RAB7A: variants seen among roughly 807,000 people sequenced by gnomAD.
The protein encoded by RAB7A is RAB7A, member RAS oncogene family.
In RAB7A, 2 loss-of-function variants were observed where a neutral mutation model predicts 24.5. The ratio of observed to expected loss-of-function variants is 0.08; its 90% CI spans 0.03 to 0.26. The LOEUF (loss-of-function observed/expected upper bound fraction) is 0.26. RAB7A is among the 10% of genes least tolerant of loss of function. The pLI is 1.00. For synonymous variants in RAB7A, 100 were observed against 95.9 expected (o/e 1.04, Z -0.25); for missense variants, 118 against 255.7 (o/e 0.46, Z 3.67).
At chr3:128,735,109 G>T (rs913707191) in intron 1 of RAB7A, among the ~76,000 whole-genome samples, 2 of 152,138 alleles carry the variant, frequency 1.3e-5, no homozygotes, top group African/African-American at 4.8e-5. Context: ...AACACTGTTG[G>T]CCCCTGTGGA....
chr3:128,772,845 G>GC (rs1241161429), intron 1 of RAB7A, among the ~76,000 whole-genome samples: 3 of 152,236 alleles, frequency 2.0e-5, no homozygotes, highest in African/African-American at 7.2e-5. Flanking sequence ...GCCAGCCTCG[G>GC]CCCCCCGAGG....
chr3:128,729,434 G>T (rs2070411798), intron 1 of RAB7A, among the ~76,000 whole-genome samples: 1 of 152,058 alleles, frequency 6.6e-6, no homozygotes, highest in Admixed American at 6.6e-5. Flanking sequence ...GCCGGGCGTG[G>T]TGGCGGGCGC....
chr3:128,738,228 T>G (rs2070512334), intron 1 of RAB7A, among the ~76,000 whole-genome samples: 1 of 152,006 alleles, frequency 6.6e-6, no homozygotes, highest in East Asian at 1.9e-4. Flanking sequence ...GACAGGGTCT[T>G]GGCCATATTG....
At chr3:128,743,254 C>T (rs1011589932) in intron 1 of RAB7A, among the ~76,000 whole-genome samples, 20 of 152,216 alleles carry the variant, frequency 1.3e-4, no homozygotes, top group African/African-American at 3.6e-4. Context: ...CCGGAACTCC[C>T]GCTGGTCCGC....
intron 1 of RAB7A, among the ~76,000 whole-genome samples, chr3:128,773,801 A>G (rs1933013653): frequency 6.6e-6 from 1 of 152,178 alleles, no homozygotes; most frequent in African/African-American, 2.4e-5. Context: ...GTGCTCTCTG[A>G]AACATGTGCT....
At chr3:128,809,936 C>CTTTTTTTATTTTTTTTTTTT (rs1933887345) in intron 5 of RAB7A, among the ~76,000 whole-genome samples, 1 of 52,216 alleles carries the variant, frequency 1.9e-5, no homozygotes, top group Non-Finnish European at 3.4e-5. Context: ...TTGCCACAGT[C>CTTTTTTTATTTTTTTTTTTT]TTTTTTTTTT....
At chr3:128,808,380 TAAAA>T (rs747963558) in intron 5 of RAB7A, among the ~76,000 whole-genome samples, 56 of 151,768 alleles carry the variant, frequency 3.7e-4, no homozygotes, top group Non-Finnish European at 7.5e-4. Context: ...AAAATTAAAA[TAAAA>T]AAAATTATAT....
intron 1 of RAB7A, among the ~76,000 whole-genome samples, chr3:128,779,365 G>A (rs1435456152): frequency 1.3e-5 from 2 of 151,232 alleles, no homozygotes; most frequent in Non-Finnish European, 2.9e-5. Context: ...CCGAGATCAC[G>A]CCACTGCACT....
At chr3:128,760,879 C>T (rs1036527639) in intron 1 of RAB7A, among the ~76,000 whole-genome samples, 1 of 152,164 alleles carries the variant, frequency 6.6e-6, no homozygotes, top group African/African-American at 2.4e-5. Flanking sequence ...AGGTATAGAC[C>T]TATATAAAGT....
chr3:128,748,103 C>T (rs146818642), intron 1 of RAB7A, among the ~76,000 whole-genome samples: 11 of 152,314 alleles, frequency 7.2e-5, no homozygotes, highest in Non-Finnish European at 1.3e-4. Flanking sequence ...TGACAAACAT[C>T]CTAGAGGCCC....
intron 1 of RAB7A, among the ~76,000 whole-genome samples, chr3:128,763,691 C>G (rs60544369): frequency 6.6e-6 from 1 of 152,114 alleles, no homozygotes; most frequent in East Asian, 1.9e-4. Context: ...AGGAAGTGCT[C>G]TGTGGGGTAA....
At chr3:128,779,369 C>G (rs1933164547) in intron 1 of RAB7A, among the ~76,000 whole-genome samples, 1 of 151,354 alleles carries the variant, frequency 6.6e-6, no homozygotes, top group Non-Finnish European at 1.5e-5. Context: ...GATCACGCCA[C>G]TGCACTCCAG....
chr3:128,767,033 A>T (rs1256942532), intron 1 of RAB7A, among the ~76,000 whole-genome samples: 1 of 151,604 alleles, frequency 6.6e-6, no homozygotes, highest in East Asian at 1.9e-4. Context: ...TTTGACCATC[A>T]CTGGGGTCTG....
intron 1 of RAB7A, among the ~76,000 whole-genome samples, chr3:128,761,930 T>C (rs988819026): frequency 2.6e-5 from 4 of 152,210 alleles, no homozygotes; most frequent in African/African-American, 4.8e-5. Flanking sequence ...TGCACTTAAC[T>C]GTGCAGAAGG....
chr3:128,769,005 G>A (rs1398807042), intron 1 of RAB7A, among the ~76,000 whole-genome samples: 1 of 118,784 alleles, frequency 8.4e-6, no homozygotes, highest in African/African-American at 3.6e-5. Flanking sequence ...TAAGGAAACA[G>A]GGTCTCACTC....
intron 1 of RAB7A, among the ~76,000 whole-genome samples, chr3:128,740,966 T>G (rs1056441803): frequency 2.7e-5 from 4 of 147,134 alleles, no homozygotes; most frequent in Non-Finnish European, 6.0e-5. Flanking sequence ...AGAAAAATAC[T>G]AACTACTTTT....
intron 1 of RAB7A, among the ~76,000 whole-genome samples, chr3:128,731,959 C>G (rs561187020): frequency 1.4e-5 from 2 of 146,504 alleles, no homozygotes; most frequent in Admixed American, 1.4e-4. Context: ...GAGCCGGGAT[C>G]GTGCCATTGC....
intron 1 of RAB7A, among the ~76,000 whole-genome samples, chr3:128,768,877 A>C (rs978021883): frequency 1.3e-5 from 2 of 151,536 alleles, no homozygotes; most frequent in Non-Finnish European, 2.9e-5. Context: ...GTGCAGTTCA[A>C]ATATTCACAA....
intron 1 of RAB7A, among the ~76,000 whole-genome samples, chr3:128,763,866 C>T (rs908617591): frequency 4.5e-5 from 2 of 44,234 alleles, no homozygotes; most frequent in East Asian, 6.7e-4. Flanking sequence ...AGATTCCCGC[C>T]CCCCCCCCCG....
Sources: gnomAD v4.1 joint callset for allele counts (sites outside exome capture counted in the v4.1 genomes callset) on GRCh38, gnomAD v4.1.1 for gene constraint, MANE v1.5 for transcripts, NCBI Gene and HGNC (gene_info 2026-07-23, HGNC 2026-07-21) for gene names.